The following TMTC1 variants were observed in gnomAD, a reference collection of about 807,000 sequenced individuals.
The protein encoded by TMTC1 is protein O-mannosyl-transferase TMTC1.
A neutral mutation model predicts 104.8 loss-of-function variants in TMTC1; 73 were observed. That is an observed-to-expected ratio of 0.70 (90% CI 0.58 to 0.85). TMTC1 has a LOEUF of 0.85. Ranked by LOEUF, TMTC1 falls within the 40% of genes least tolerant of loss-of-function variation. The pLI is 0.00. For missense variants in TMTC1, 1,035 were observed against 1,096.1 expected, an observed-to-expected ratio of 0.94 and a Z score of 0.79; for synonymous variants, 434 against 428.7, an observed-to-expected ratio of 1.01 and a Z score of -0.15.
At position 29,673,744 on chromosome 12, in the gene TMTC1, CTTTTTTTTT is replaced by C. The variant is rs146463669; in HGVS notation, c.939-40417_939-40409del. Among the ~76,000 whole-genome samples the C allele has an allele frequency of 8.9e-4, 85 of 95,744 alleles. No homozygotes were observed. In the South Asian group the frequency reaches 0.03, roughly 34 times the overall value. 62.8% of individuals were successfully genotyped at this position (95,744 alleles called of 152,430 possible). On this transcript the variant is annotated intron_variant, in intron 5 of 17. Coordinates refer to ENST00000539277, the MANE Select transcript of TMTC1 (RefSeq NM_001193451.2). ...GATGCTATGGCTGCCAGAGGGACTT[CTTTTTTTTT>C]TTTTTTTTTTTTTTTTCTTTTTTGA... is the stretch of plus-strand genomic sequence containing the variant.
At chr12:29,735,842 G>T (rs2136928170) in intron 5 of TMTC1, among the ~76,000 whole-genome samples, 1 of 152,252 alleles carries the variant, frequency 6.6e-6, no homozygotes, top group East Asian at 1.9e-4. Context: ...TGTTGCCGTA[G>T]GTGAAAACAA....
intron 5 of TMTC1, among the ~76,000 whole-genome samples, chr12:29,671,012 A>G (rs58390379): frequency 6.1e-5 from 3 of 49,000 alleles, no homozygotes; most frequent in Non-Finnish European, 1.4e-4. Flanking sequence ...TCAAAAAGTC[A>G]GCCAGGCGCA....
At chr12:29,684,329 C>G (rs1052880184) in intron 5 of TMTC1, among the ~76,000 whole-genome samples, 13 of 152,054 alleles carry the variant, frequency 8.5e-5, no homozygotes, top group Non-Finnish European at 1.6e-4. Context: ...TCTTTGAGCT[C>G]CTAACAGCTT....
At chr12:29,688,751 A>G (rs1941174513) in intron 5 of TMTC1, among the ~76,000 whole-genome samples, 1 of 152,172 alleles carries the variant, frequency 6.6e-6, no homozygotes, top group South Asian at 2.1e-4. Context: ...GAAAACTAAG[A>G]CTCAATAACT....
chr12:29,511,154 T>C (rs1943823264), intron 17 of TMTC1, among the ~76,000 whole-genome samples: 1 of 152,202 alleles, frequency 6.6e-6, no homozygotes, highest in South Asian at 2.1e-4. Flanking sequence ...TTCTCTTTTT[T>C]CTCCTTAGCA....
At chr12:29,726,883 G>A (rs75238669) in intron 5 of TMTC1, among the ~76,000 whole-genome samples, 3,113 of 152,228 alleles carry the variant, frequency 0.02, 115 homozygotes, top group African/African-American at 0.068. Flanking sequence ...ATATCTACAC[G>A]ACTTTTAAGT....
At chr12:29,627,025 C>T (rs1378078541) in intron 6 of TMTC1, among the ~76,000 whole-genome samples, 1 of 152,062 alleles carries the variant, frequency 6.6e-6, no homozygotes, top group Non-Finnish European at 1.5e-5. Context: ...TTGCTTGAGC[C>T]CGGGAGGCGG....
intron 7 of TMTC1, among the ~76,000 whole-genome samples, chr12:29,590,366 A>G (rs1447425071): frequency 2.0e-5 from 3 of 152,242 alleles, no homozygotes; most frequent in East Asian, 1.9e-4. Context: ...ACAAGACACT[A>G]TAACCCACAC....
intron 1 of TMTC1, among the ~76,000 whole-genome samples, chr12:29,768,978 G>A (rs1943536095): frequency 1.3e-5 from 2 of 152,280 alleles, no homozygotes; most frequent in Admixed American, 6.5e-5. Context: ...AGGGAGCACT[G>A]ATACCCTAAG....
intron 5 of TMTC1, among the ~76,000 whole-genome samples, chr12:29,644,111 A>ATG (rs371107912): frequency 0.21 from 15,459 of 74,260 alleles, 2,115 homozygotes; most frequent in South Asian, 0.27. Context: ...ATAAATATAT[A>ATG]TGTGTGTGTG....
chr12:29,553,903 T>C (rs1945170418), intron 10 of TMTC1, among the ~76,000 whole-genome samples: 1 of 152,174 alleles, frequency 6.6e-6, no homozygotes, highest in Non-Finnish European at 1.5e-5. Flanking sequence ...AGAGCCAAAT[T>C]CAGCACCATA....
chr12:29,715,661 G>C (rs942071457), intron 5 of TMTC1, among the ~76,000 whole-genome samples: 10 of 152,214 alleles, frequency 6.6e-5, no homozygotes, highest in African/African-American at 2.4e-4. Context: ...CTATGAAGAA[G>C]TACCCAAGAC....
chr12:29,772,934 C>T (rs1468335599), intron 1 of TMTC1, among the ~76,000 whole-genome samples: 1 of 152,178 alleles, frequency 6.6e-6, no homozygotes, highest in Non-Finnish European at 1.5e-5. Flanking sequence ...TGAAAATTTA[C>T]TGAACTTACA....
chr12:29,685,651 G>A (rs1371915451), intron 5 of TMTC1, among the ~76,000 whole-genome samples: 1 of 151,816 alleles, frequency 6.6e-6, no homozygotes, highest in Non-Finnish European at 1.5e-5. Flanking sequence ...AGAAAAAAAA[G>A]AGGCCTGGTT....
chr12:29,777,336 G>T (rs559672388), intron 1 of TMTC1, among the ~76,000 whole-genome samples: 1 of 151,902 alleles, frequency 6.6e-6, no homozygotes, highest in South Asian at 2.1e-4. Flanking sequence ...TTAGTGATCC[G>T]CCCGCCTCAG....
rs373737944 is a variant in TMTC1 at position 29,758,669 on chromosome 12, C to T, written c.554+35G>A. On this transcript the variant is annotated intron_variant, in intron 3 of 17. Transcript: ENST00000539277. ...CCAGTCTACACACACGGCACAGTTG[C>T]GATCACAGAGAAGGGCATTCTTAGC... 4.9e-5 allele frequency: 79 copies of T among 1,596,392 alleles called. 1 individual carries two copies. The Middle Eastern group carries it at 2.2e-3, about 44-fold the overall frequency.
intron 6 of TMTC1, among the ~76,000 whole-genome samples, chr12:29,630,177 T>C (rs1185735583): frequency 6.6e-6 from 1 of 152,194 alleles, no homozygotes; most frequent in Non-Finnish European, 1.5e-5. Context: ...GGGTATTTAG[T>C]TTGTTTTTAT....
intron 10 of TMTC1, 118 bp from the exon 11 acceptor site, chr12:29,536,435 G>A (rs1423786251): frequency 1.5e-6 from 1 of 682,134 alleles, no homozygotes; most frequent in Non-Finnish European, 2.5e-6. Context: ...ATTCACTCTG[G>A]ATTTATTGCA....
chr12:29,707,155 A>G (rs916169142), intron 5 of TMTC1, among the ~76,000 whole-genome samples: 1 of 152,036 alleles, frequency 6.6e-6, no homozygotes, highest in Admixed American at 6.6e-5. Flanking sequence ...GTGGCTTGGG[A>G]ATAGGTTGGG....
Sources: allele counts gnomAD v4.1 joint callset (sites outside exome capture counted in the v4.1 genomes callset), GRCh38; gene constraint gnomAD v4.1.1; transcripts MANE v1.5; gene names NCBI Gene and HGNC (gene_info 2026-07-23, HGNC 2026-07-21).